Variants in ENOX2 observed in about 807,000 individuals in gnomAD.
ENOX2 encodes APK1 antigen.
Under a neutral mutation model 45.0 loss-of-function variants are expected in ENOX2, and 36 were observed. The observed-to-expected ratio is 0.80, with a 90% CI of 0.61 to 1.06. The LOEUF (loss-of-function observed/expected upper bound fraction) is 1.06. Among genes scored for constraint, ENOX2 ranks in the 50% least tolerant of loss-of-function variants. ENOX2 has a pLI of 0.00. For missense variants in ENOX2, 423 were observed against 462.5 expected (o/e 0.91, Z 0.78); for synonymous variants, 174 against 152.3 (o/e 1.14, Z -1.05).
At chrX:130,631,637 T>C in intron 12 of ENOX2, 61 bp from the exon 13 acceptor site, 1 of 620,404 alleles carries the variant, frequency 1.6e-6, no homozygotes, top group Non-Finnish European at 2.7e-6. Flanking sequence ...TTGGTTTCAA[T>C]TAACTACACA....
chrX:130,854,667 C>A (rs180783754), intron 2 of ENOX2, among the ~76,000 whole-genome samples: 361 of 110,332 alleles, frequency 3.3e-3, no homozygotes, highest in African/African-American at 0.011. Flanking sequence ...AACACATTTA[C>A]CTATAAGAAA....
Position 130,631,556 on chromosome X carries a change from C to T in ENOX2, c.1440G>A (p.Leu480=), listed in dbSNP as rs775441182. 1.7e-6 allele frequency: 2 copies of T among 1,190,858 alleles called. No homozygotes were observed. Among genetic ancestry groups the T allele is most frequent in the South Asian group, 1.8e-5 (1 of 56,509 alleles). The change falls in exon 13 of 15, where the codon CTG becomes CTA. Residue 480 remains leucine (L), a synonymous_variant. Coordinates refer to ENST00000394363, the MANE Select transcript of ENOX2 (RefSeq NM_006375.4). Reference sequence around the variant, plus strand: ...ATTCGCTATCCTGGTTTGAGGCACACAGCCTAGAAGCACAGCTTTCCTGTG... The same window carrying T: ...ATTCGCTATCCTGGTTTGAGGCACATAGCCTAGAAGCACAGCTTTCCTGTG... The part of the protein sequence containing the change: ...LKEKESCASR[L]CASNQDSEYP...
rs1428030731 is a variant in ENOX2 at position 130,752,424 on chromosome X, GGTC to G, written c.-39+31120_-39+31122del. On this transcript the variant is annotated intron_variant, in intron 3 of 14. Transcript: ENST00000394363. ...TATCTCTCTCCCCCAGACTCTCTTG[GGTC>G]TCTCTCTCTCTCCATCTGCATCTCT... 0.023 allele frequency among the ~76,000 whole-genome samples: 25 copies of G among 1,075 alleles called. No individual in the cohort carries two copies. In the East Asian group the frequency reaches 0.24, roughly 10 times the overall value. The allele number at this position is 1,075 out of a possible 115,157, so 0.9% of individuals were successfully genotyped here. A position where few individuals can be genotyped will look rare whatever the true frequency, so the allele number is the denominator to read the frequency against.
intron 4 of ENOX2, among the ~76,000 whole-genome samples, chrX:130,696,933 C>T (rs967894930): frequency 3.6e-5 from 4 of 112,018 alleles, no homozygotes; most frequent in Admixed American, 9.5e-5. Flanking sequence ...GACCTACACA[C>T]CTGAATTTTA....
At chrX:130,690,105 C>T (rs1317079801) in intron 4 of ENOX2, among the ~76,000 whole-genome samples, 2 of 111,170 alleles carry the variant, frequency 1.8e-5, no homozygotes, top group East Asian at 2.8e-4. Flanking sequence ...GACTCAGGTA[C>T]ACATGTGTCC....
chrX:130,835,689 T>C (rs2077917680), intron 2 of ENOX2, among the ~76,000 whole-genome samples: 1 of 110,770 alleles, frequency 9.0e-6, no homozygotes, highest in Admixed American at 9.7e-5. Flanking sequence ...TTGTATGGCT[T>C]CAGGTGAGTA....
At chrX:130,845,337 A>C (rs2078081401) in intron 2 of ENOX2, among the ~76,000 whole-genome samples, 1 of 112,847 alleles carries the variant, frequency 8.9e-6, no homozygotes, top group African/African-American at 3.2e-5. Flanking sequence ...TTACTAGTAC[A>C]TACCCTTTTA....
At chrX:130,809,150 G>A (rs2077353167) in intron 2 of ENOX2, among the ~76,000 whole-genome samples, 1 of 112,256 alleles carries the variant, frequency 8.9e-6, no homozygotes, top group African/African-American at 3.2e-5. Context: ...TTTATTAACA[G>A]AGACATACTG....
At chrX:130,865,214 T>C (rs1471486244) in intron 2 of ENOX2, among the ~76,000 whole-genome samples, 2 of 111,409 alleles carry the variant, frequency 1.8e-5, no homozygotes, top group Non-Finnish European at 3.8e-5. Flanking sequence ...GCCAATACTG[T>C]TTGCACCATA....
At chrX:130,821,173 T>C (rs1417977280) in intron 2 of ENOX2, among the ~76,000 whole-genome samples, 1 of 111,152 alleles carries the variant, frequency 9.0e-6, no homozygotes, top group Admixed American at 9.6e-5. Context: ...TTTGAGCTCA[T>C]TCTTAAAGAA....
intron 2 of ENOX2, among the ~76,000 whole-genome samples, chrX:130,803,423 A>G (rs1358292106): frequency 8.9e-6 from 1 of 111,959 alleles, no homozygotes; most frequent in African/African-American, 3.2e-5. Context: ...CCACCACAAA[A>G]GAGAGCCCTT....
chrX:130,685,675 A>G (rs1372739840), intron 5 of ENOX2, among the ~76,000 whole-genome samples: 3 of 112,057 alleles, frequency 2.7e-5, no homozygotes, highest in Non-Finnish European at 5.6e-5. Context: ...CCTTAGAGTG[A>G]TTCACTACAG....
At chrX:130,694,334 G>A (rs761853216) in intron 4 of ENOX2, among the ~76,000 whole-genome samples, 1 of 111,311 alleles carries the variant, frequency 9.0e-6, no homozygotes, top group Non-Finnish European at 1.9e-5. Flanking sequence ...TTGAAAAGGC[G>A]CTTTGGGATC....
chrX:130,649,985 C>G (rs985592072), intron 10 of ENOX2, among the ~76,000 whole-genome samples: 8 of 112,654 alleles, frequency 7.1e-5, no homozygotes, highest in African/African-American at 2.6e-4. Flanking sequence ...ACACAGGTTA[C>G]TCTGTAAATC....
intron 2 of ENOX2, among the ~76,000 whole-genome samples, chrX:130,843,831 T>C (rs2078054840): frequency 8.9e-6 from 1 of 112,164 alleles, no homozygotes; most frequent in Non-Finnish European, 1.9e-5. Context: ...ATCCTACATG[T>C]GTAATCACAT....
intron 2 of ENOX2, among the ~76,000 whole-genome samples, chrX:130,788,882 C>T (rs1294846523): frequency 8.9e-6 from 1 of 112,225 alleles, no homozygotes; most frequent in Non-Finnish European, 1.9e-5. Flanking sequence ...TTACAGATTT[C>T]TACTATTTCT....
intron 3 of ENOX2, among the ~76,000 whole-genome samples, chrX:130,720,997 A>AAATG (rs2038460093): frequency 8.9e-6 from 1 of 112,159 alleles, no homozygotes; most frequent in Admixed American, 9.4e-5. Flanking sequence ...CATCAGCAGT[A>AAATG]AATGCACTCA....
chrX:130,811,730 AT>A (rs1170422885), intron 2 of ENOX2, among the ~76,000 whole-genome samples: 1 of 112,994 alleles, frequency 8.9e-6, no homozygotes, highest in Non-Finnish European at 1.9e-5. Flanking sequence ...ATAAAGATTT[AT>A]AATATGTCTG....
chrX:130,832,451 A>ACACT (rs2148487908), intron 2 of ENOX2, among the ~76,000 whole-genome samples: 1 of 109,274 alleles, frequency 9.2e-6, no homozygotes, highest in East Asian at 2.9e-4. Flanking sequence ...ACACACACAC[A>ACACT]CACACACACA....
Sources: allele counts gnomAD v4.1 joint callset (sites outside exome capture counted in the v4.1 genomes callset), GRCh38; gene constraint gnomAD v4.1.1; transcripts MANE v1.5; gene names NCBI Gene and HGNC (gene_info 2026-07-23, HGNC 2026-07-21).